CSMD3: variants seen among roughly 807,000 people sequenced by gnomAD.
CSMD3 encodes the protein CUB and Sushi multiple domains 3, also known as CUB and sushi domain-containing protein 3.
A neutral mutation model predicts 435.2 loss-of-function variants in CSMD3; 177 were observed. The observed-to-expected ratio is 0.41, with a 90% CI of 0.36 to 0.46. The LOEUF (loss-of-function observed/expected upper bound fraction) is 0.46. CSMD3 is among the 20% of genes least tolerant of loss of function. The probability of loss-of-function intolerance (pLI) is 0.34; values close to 1 mark genes in which losing one functional copy is unlikely to be tolerated. For synonymous variants in CSMD3, 1,656 were observed against 1,520.5 expected (o/e 1.09, Z -2.07); for missense variants, 4,265 against 4,504.6 (o/e 0.95, Z 1.52).
At chr8:112,796,705 G>C (rs2078837489) in intron 13 of CSMD3, among the ~76,000 whole-genome samples, 1 of 151,898 alleles carries the variant, frequency 6.6e-6, no homozygotes, top group African/African-American at 2.4e-5. Context: ...TGTTTCTAAG[G>C]GAAATGGGGC....
At chr8:113,436,650 C>T (rs2130149625) in intron 1 of CSMD3, 27 bp downstream of exon 1, 2 of 1,611,602 alleles carry the variant, frequency 1.2e-6, no homozygotes, top group Non-Finnish European at 1.7e-6. Flanking sequence ...CCATCCAAAG[C>T]GGAGGGGACC....
chr8:112,696,895 C>G (rs1416387073), intron 13 of CSMD3, among the ~76,000 whole-genome samples: 5 of 152,046 alleles, frequency 3.3e-5, no homozygotes, highest in Admixed American at 2.6e-4. Context: ...AACAAACAAC[C>G]CCATCACAAA....
At chr8:113,035,692 C>G (rs925334291) in intron 5 of CSMD3, among the ~76,000 whole-genome samples, 2 of 151,698 alleles carry the variant, frequency 1.3e-5, no homozygotes, top group African/African-American at 4.8e-5. Context: ...TTTTGGCTTG[C>G]CAGTCAATAA....
chr8:112,397,758 G>A (rs906836162), intron 35 of CSMD3, among the ~76,000 whole-genome samples: 2 of 152,056 alleles, frequency 1.3e-5, no homozygotes, highest in Non-Finnish European at 2.9e-5. Flanking sequence ...ATCATCTTAT[G>A]GGTTAGGATT....
chr8:112,855,022 T>C (rs1198757648), intron 11 of CSMD3, among the ~76,000 whole-genome samples: 25 of 152,196 alleles, frequency 1.6e-4, no homozygotes, highest in Non-Finnish European at 3.4e-4. Flanking sequence ...AGATACATTC[T>C]AGATTTCAAA....
intron 12 of CSMD3, among the ~76,000 whole-genome samples, chr8:112,801,740 G>A (rs1208931977): frequency 6.6e-6 from 1 of 151,932 alleles, no homozygotes; most frequent in Non-Finnish European, 1.5e-5. Flanking sequence ...TTATGGGAAA[G>A]GGTAAACACT....
intron 32 of CSMD3, among the ~76,000 whole-genome samples, chr8:112,468,417 T>C (rs1044878497): frequency 1.3e-5 from 2 of 152,058 alleles, no homozygotes; most frequent in Non-Finnish European, 2.9e-5. Context: ...TCATCCTATA[T>C]ATTTATGTTT....
At chr8:112,285,358 T>A (rs1253083129) in intron 58 of CSMD3, among the ~76,000 whole-genome samples, 1 of 152,156 alleles carries the variant, frequency 6.6e-6, no homozygotes, top group African/African-American at 2.4e-5. Context: ...TGTATTTTAC[T>A]CAGCACTATG....
At chr8:112,330,464 A>G (rs559110927) in intron 45 of CSMD3, among the ~76,000 whole-genome samples, 6 of 152,180 alleles carry the variant, frequency 3.9e-5, no homozygotes, top group African/African-American at 1.4e-4. Flanking sequence ...CCATAAAATA[A>G]TTTCGGTATT....
chr8:113,351,276 C>T (rs192636574), intron 1 of CSMD3, among the ~76,000 whole-genome samples: 110 of 152,216 alleles, frequency 7.2e-4, no homozygotes, highest in Non-Finnish European at 1.4e-3. Flanking sequence ...CTGATGACTC[C>T]TTCATAACAA....
chr8:112,450,723 C>A (rs915286207), intron 32 of CSMD3, among the ~76,000 whole-genome samples: 4 of 152,182 alleles, frequency 2.6e-5, no homozygotes, highest in Non-Finnish European at 5.9e-5. Flanking sequence ...GACTGCCCTT[C>A]AGTTTCTATC....
At chr8:112,439,897 T>A (rs1290287643) in intron 32 of CSMD3, among the ~76,000 whole-genome samples, 1 of 151,652 alleles carries the variant, frequency 6.6e-6, no homozygotes, top group East Asian at 1.9e-4. Flanking sequence ...TACAATCAGA[T>A]TACAATTCAA....
intron 67 of CSMD3, among the ~76,000 whole-genome samples, chr8:112,235,737 C>T (rs894182639): frequency 6.6e-6 from 1 of 152,004 alleles, no homozygotes; most frequent in Non-Finnish European, 1.5e-5. Context: ...GATAATGAGA[C>T]ATAGGTGCTA....
At chr8:113,096,466 A>G (rs2090165540) in intron 5 of CSMD3, among the ~76,000 whole-genome samples, 1 of 152,066 alleles carries the variant, frequency 6.6e-6, no homozygotes, top group Admixed American at 6.6e-5. Flanking sequence ...CTTATTTCAT[A>G]ATTATAAACT....
At chr8:112,458,306 AT>A (rs199815050) in intron 32 of CSMD3, among the ~76,000 whole-genome samples, 789 of 52,370 alleles carry the variant, frequency 0.015, 9 homozygotes, top group African/African-American at 0.026. Flanking sequence ...AGCCTAAAAT[AT>A]TTTTTAAACC....
intron 2 of CSMD3, among the ~76,000 whole-genome samples, chr8:113,297,741 G>T (rs960665076): frequency 5.3e-5 from 8 of 151,858 alleles, no homozygotes; most frequent in African/African-American, 1.9e-4. Flanking sequence ...ATATTAATTA[G>T]TTATATATTT....
intron 1 of CSMD3, among the ~76,000 whole-genome samples, chr8:113,351,113 G>A (rs1473485597): frequency 6.6e-6 from 1 of 152,042 alleles, no homozygotes; most frequent in Non-Finnish European, 1.5e-5. Flanking sequence ...TAAGTACCAG[G>A]CAATAGCTTT....
intron 17 of CSMD3, among the ~76,000 whole-genome samples, chr8:112,661,126 T>G (rs929761888): frequency 3.3e-5 from 5 of 152,302 alleles, no homozygotes. Context: ...TTTAAAAGAT[T>G]TGTGTCTTAA....
chr8:112,728,018 T>G (rs2077000631), intron 13 of CSMD3, among the ~76,000 whole-genome samples: 1 of 151,968 alleles, frequency 6.6e-6, no homozygotes, highest in Non-Finnish European at 1.5e-5. Context: ...GCTAATTTCC[T>G]TTTCCAACAG....
Sources: allele counts gnomAD v4.1 joint callset (sites outside exome capture counted in the v4.1 genomes callset), GRCh38; gene constraint gnomAD v4.1.1; transcripts MANE v1.5; gene names NCBI Gene and HGNC (gene_info 2026-07-23, HGNC 2026-07-21).